FAM78B: variants seen among roughly 807,000 people sequenced by gnomAD.
FAM78B encodes family with sequence similarity 78 member B.
FAM78B carries 10 observed loss-of-function variants against 20.0 expected under a neutral mutation model. That is an observed-to-expected ratio of 0.50 (90% CI 0.31 to 0.85). FAM78B has a LOEUF of 0.85. Among genes scored for constraint, FAM78B ranks in the 40% least tolerant of loss-of-function variants. The pLI is 0.05. For missense variants in FAM78B, 283 were observed against 345.0 expected (o/e 0.82, Z 1.42); for synonymous variants, 135 against 132.8 (o/e 1.02, Z -0.12).
intron 1 of FAM78B, among the ~76,000 whole-genome samples, chr1:166,106,549 A>T (rs112391120): frequency 1.3e-5 from 2 of 152,284 alleles, no homozygotes; most frequent in African/African-American, 4.8e-5. Flanking sequence ...GCTGGAGGTC[A>T]TTGTCATATA....
chr1:166,129,183 C>G (rs982744848), intron 1 of FAM78B, among the ~76,000 whole-genome samples: 1 of 152,172 alleles, frequency 6.6e-6, no homozygotes, highest in East Asian at 1.9e-4. Context: ...TGTGGGCGCA[C>G]TCCTGTGTAT....
rs899347461 is a variant in FAM78B, at chr1:166,077,808, T to G, written c.264-7045A>C. Among the ~76,000 whole-genome samples, 3 of 125,758 alleles carry G rather than the reference T, an allele frequency of 2.4e-5. No individual in the cohort carries two copies. The East Asian group carries it at 6.8e-4, about 28-fold the overall frequency. 82.5% of individuals were successfully genotyped at this position (125,758 alleles called of 152,430 possible). On this transcript the variant is annotated intron_variant, in intron 1 of 1. Transcript: ENST00000354422. Reference sequence around the variant, plus strand: ...AAATACATATAATTATATATATTTATATGTAGATTATATATAAATATATAT... The same window carrying G: ...AAATACATATAATTATATATATTTAGATGTAGATTATATATAAATATATAT...
chr1:166,140,486 C>A (rs1655238572), intron 1 of FAM78B, among the ~76,000 whole-genome samples: 1 of 152,164 alleles, frequency 6.6e-6, no homozygotes, highest in Non-Finnish European at 1.5e-5. Flanking sequence ...GTTAGGATGA[C>A]CAATAAATCA....
chr1:166,101,731 G>T (rs531755001), intron 1 of FAM78B, among the ~76,000 whole-genome samples: 1 of 152,134 alleles, frequency 6.6e-6, no homozygotes, highest in African/African-American at 2.4e-5. Flanking sequence ...ATCTACGTCT[G>T]ATTGGTGTAC....
At chr1:166,089,813 A>G (rs1428293420) in intron 1 of FAM78B, among the ~76,000 whole-genome samples, 1 of 152,116 alleles carries the variant, frequency 6.6e-6, no homozygotes, top group Non-Finnish European at 1.5e-5. Flanking sequence ...TGGACTCAGT[A>G]GGAGGGAGCT....
At chr1:166,063,241 G>A (rs139510052) in intron 2 of FAM78B, among the ~76,000 whole-genome samples, 25 of 152,338 alleles carry the variant, frequency 1.6e-4, no homozygotes, top group Middle Eastern at 3.4e-3. Context: ...CTGACACATA[G>A]AAGACACTCA....
At chr1:166,139,856 A>C (rs1655213748) in intron 1 of FAM78B, among the ~76,000 whole-genome samples, 2 of 152,180 alleles carry the variant, frequency 1.3e-5, no homozygotes, top group South Asian at 4.1e-4. Context: ...CTTCCTCATG[A>C]AAAAATCCAA....
intron 1 of FAM78B, among the ~76,000 whole-genome samples, chr1:166,111,221 C>T (rs1654038551): frequency 6.6e-6 from 1 of 152,186 alleles, no homozygotes; most frequent in Admixed American, 6.5e-5. Context: ...CGGATTAGTG[C>T]TGCCTTCTGC....
chr1:166,135,623 G>C (rs1023121921), intron 1 of FAM78B, among the ~76,000 whole-genome samples: 6 of 152,232 alleles, frequency 3.9e-5, no homozygotes, highest in Non-Finnish European at 8.8e-5. Context: ...AAAGGACATA[G>C]ATAGATAGCA....
At chr1:166,114,297 G>C (rs1197323110) in intron 1 of FAM78B, among the ~76,000 whole-genome samples, 1 of 152,158 alleles carries the variant, frequency 6.6e-6, no homozygotes, top group Non-Finnish European at 1.5e-5. Flanking sequence ...AGGGAAGGAG[G>C]GTGCCCTGGG....
At chr1:166,134,506 C>T (rs549794440) in intron 1 of FAM78B, among the ~76,000 whole-genome samples, 2 of 150,838 alleles carry the variant, frequency 1.3e-5, no homozygotes, top group East Asian at 3.9e-4. Flanking sequence ...GACACCAGAA[C>T]ATTAAAGTAG....
At chr1:166,075,076 T>C (rs981842948) in intron 1 of FAM78B, among the ~76,000 whole-genome samples, 2 of 152,106 alleles carry the variant, frequency 1.3e-5, no homozygotes, top group Non-Finnish European at 2.9e-5. Context: ...CAGGGTAGTA[T>C]CGGTTTGTGG....
At chr1:166,139,855 G>GA (rs940407515) in intron 1 of FAM78B, among the ~76,000 whole-genome samples, 3 of 152,170 alleles carry the variant, frequency 2.0e-5, no homozygotes, top group African/African-American at 2.4e-5. Flanking sequence ...GCTTCCTCAT[G>GA]AAAAAATCCA....
chr1:166,124,015 C>T (rs1377080799), intron 1 of FAM78B, among the ~76,000 whole-genome samples: 1 of 152,216 alleles, frequency 6.6e-6, no homozygotes. Context: ...GGAGAAGGTG[C>T]TGAACTGATG....
At chr1:166,081,437 T>G (rs1652570731) in intron 1 of FAM78B, among the ~76,000 whole-genome samples, 1 of 152,148 alleles carries the variant, frequency 6.6e-6, no homozygotes, top group Non-Finnish European at 1.5e-5. Context: ...AGGTCACATC[T>G]GAAAATGGTT....
chr1:166,159,983 G>A (rs1314727630), intron 1 of FAM78B, among the ~76,000 whole-genome samples: 2 of 152,226 alleles, frequency 1.3e-5, no homozygotes, highest in Admixed American at 6.5e-5. Flanking sequence ...CCCATCTGAT[G>A]CTCTAGATTG....
At chr1:166,091,553 T>C (rs568722365) in intron 1 of FAM78B, among the ~76,000 whole-genome samples, 1 of 152,162 alleles carries the variant, frequency 6.6e-6, no homozygotes, top group Non-Finnish European at 1.5e-5. Flanking sequence ...CCAATAAACC[T>C]CTCTCTTTTG....
chr1:166,131,677 G>A (rs1178291357), intron 1 of FAM78B, among the ~76,000 whole-genome samples: 1 of 152,184 alleles, frequency 6.6e-6, no homozygotes, highest in Non-Finnish European at 1.5e-5. Context: ...CTATCTAAAA[G>A]GGCACAAAGT....
intron 1 of FAM78B, among the ~76,000 whole-genome samples, chr1:166,157,511 G>A (rs936828574): frequency 6.6e-6 from 1 of 151,974 alleles, no homozygotes; most frequent in African/African-American, 2.4e-5. Context: ...ACAGTGAACA[G>A]TTCCAACTGG....
Sources: gnomAD v4.1 joint callset for allele counts (sites outside exome capture counted in the v4.1 genomes callset) on GRCh38, gnomAD v4.1.1 for gene constraint, MANE v1.5 for transcripts, NCBI Gene and HGNC (gene_info 2026-07-23, HGNC 2026-07-21) for gene names.